The following WWOX variants were observed in gnomAD, a reference collection of about 807,000 sequenced individuals.
The protein encoded by WWOX is WW domain containing oxidoreductase.
Under a neutral mutation model 46.2 loss-of-function variants are expected in WWOX, and 69 were observed. The ratio of observed to expected loss-of-function variants is 1.49; its 90% confidence interval spans 1.23 to 1.82. The LOEUF (loss-of-function observed/expected upper bound fraction) is 1.82, where lower values mean the gene tolerates loss of function less well. Ranked by LOEUF, WWOX falls within the 40% of genes most tolerant of loss-of-function variation. The pLI, the probability that WWOX is intolerant of heterozygous loss-of-function variation, is 0.00. For synonymous variants in WWOX, 359 were observed against 202.6 expected (o/e 1.77, Z -6.56); for missense variants, 919 against 542.6 (o/e 1.69, Z -6.89).
chr16:78,276,419 T>C (rs2079579835), intron 5 of WWOX, among the ~76,000 whole-genome samples: 1 of 152,190 alleles, frequency 6.6e-6, no homozygotes, highest in African/African-American at 2.4e-5. Context: ...TACAATTTAA[T>C]CAGGCACTGT....
intron 8 of WWOX, among the ~76,000 whole-genome samples, chr16:78,854,296 T>C (rs1365420555): frequency 6.6e-6 from 1 of 152,206 alleles, no homozygotes; most frequent in Non-Finnish European, 1.5e-5. Flanking sequence ...GGTAACTTTA[T>C]TTATTATTTG....
chr16:78,453,810 T>C (rs1180302047), intron 8 of WWOX, among the ~76,000 whole-genome samples: 1 of 149,560 alleles, frequency 6.7e-6, no homozygotes, highest in African/African-American at 2.5e-5. Flanking sequence ...CTTCTTTTAT[T>C]GAAAGCCTTT....
At chr16:78,668,561 C>A (rs770090910) in intron 8 of WWOX, among the ~76,000 whole-genome samples, 1 of 152,044 alleles carries the variant, frequency 6.6e-6, no homozygotes, top group East Asian at 1.9e-4. Flanking sequence ...TGGCAAGGGG[C>A]GTGACAAAGT....
At chr16:78,562,223 T>TA (rs2044457003) in intron 8 of WWOX, among the ~76,000 whole-genome samples, 1 of 152,176 alleles carries the variant, frequency 6.6e-6, no homozygotes, top group Non-Finnish European at 1.5e-5. Flanking sequence ...GAGAAGGAAA[T>TA]AAGAGCCTCG....
intron 8 of WWOX, among the ~76,000 whole-genome samples, chr16:78,717,193 C>T (rs774734687): frequency 6.6e-5 from 10 of 152,036 alleles, no homozygotes; most frequent in Non-Finnish European, 1.3e-4. Flanking sequence ...CTAGACTATA[C>T]CAAGAGTAAG....
intron 8 of WWOX, among the ~76,000 whole-genome samples, chr16:78,859,017 A>ATAT (rs2052642422): frequency 2.4e-5 from 1 of 41,382 alleles, no homozygotes; most frequent in African/African-American, 1.2e-4. Flanking sequence ...AAAAAAAAAA[A>ATAT]AAAAAAAAAA....
intron 8 of WWOX, among the ~76,000 whole-genome samples, chr16:78,905,107 A>G (rs7200156): frequency 0.072 from 11,020 of 152,186 alleles, 1,366 homozygotes; most frequent in African/African-American, 0.25. Context: ...AACATATTGC[A>G]TAATGAGGCC....
Position 78,702,120 on chromosome 16 carries a change from A to ATATATATATATTTATT in WWOX, c.1056+269371_1056+269372insATATATATTTATTTAT, listed in dbSNP as rs1207718237. ...TAAAGTTATATATATATATATATAT[A>ATATATATATATTTATT]TATTTATTTATTTTCAAGACATGGT... On this transcript the variant is annotated intron_variant, in intron 8 of 8. Coordinates refer to ENST00000566780, the MANE Select transcript of WWOX (RefSeq NM_016373.4). Among the ~76,000 whole-genome samples, 31 of 130,036 alleles carry ATATATATATATTTATT rather than the reference A, an allele frequency of 2.4e-4. 1 individual carries two copies. The highest frequency in any genetic ancestry group is 1.0e-3 in the African/African-American group (31 of 30,226). 85.3% of individuals were successfully genotyped at this position (130,036 alleles called of 152,430 possible). A position where few individuals can be genotyped will look rare whatever the true frequency, so the allele number is the denominator to read the frequency against.
intron 5 of WWOX, among the ~76,000 whole-genome samples, chr16:78,205,112 G>C (rs968345981): frequency 3.9e-5 from 6 of 152,138 alleles, no homozygotes; most frequent in Non-Finnish European, 7.4e-5. Context: ...AGAGGAGTTG[G>C]ATATTAAAGA....
intron 8 of WWOX, among the ~76,000 whole-genome samples, chr16:78,596,699 G>T (rs2045499640): frequency 6.6e-6 from 1 of 152,170 alleles, no homozygotes; most frequent in African/African-American, 2.4e-5. Context: ...CAGTTGAGAG[G>T]TAAGCCGGGC....
intron 8 of WWOX, among the ~76,000 whole-genome samples, chr16:78,922,935 C>G (rs991767834): frequency 6.6e-6 from 1 of 150,884 alleles, no homozygotes; most frequent in African/African-American, 2.4e-5. Flanking sequence ...AATCTAACAT[C>G]TTTAGATAAA....
intron 5 of WWOX, among the ~76,000 whole-genome samples, chr16:78,221,944 G>A (rs1369595395): frequency 3.9e-5 from 6 of 152,008 alleles, no homozygotes; most frequent in Non-Finnish European, 8.8e-5. Context: ...TTTTCTTACT[G>A]CTGCCTCTGT....
At chr16:78,323,998 T>G (rs72792352) in intron 5 of WWOX, among the ~76,000 whole-genome samples, 9,285 of 152,196 alleles carry the variant, frequency 0.061, 421 homozygotes, top group Admixed American at 0.13. Flanking sequence ...CTCCTCCAAC[T>G]TCACTTTCCC....
chr16:78,524,474 G>A (rs1597210438), intron 8 of WWOX, among the ~76,000 whole-genome samples: 1 of 152,144 alleles, frequency 6.6e-6, no homozygotes, highest in African/African-American at 2.4e-5. Flanking sequence ...AAGCTGGAGT[G>A]CAGTGGCATG....
At chr16:78,569,048 G>C (rs1177877328) in intron 8 of WWOX, among the ~76,000 whole-genome samples, 1 of 152,180 alleles carries the variant, frequency 6.6e-6, no homozygotes, top group Non-Finnish European at 1.5e-5. Context: ...CTGGGTGTCA[G>C]CCTCTTGGGC....
chr16:79,152,356 G>A (rs1160894837), intron 8 of WWOX, among the ~76,000 whole-genome samples: 1 of 152,112 alleles, frequency 6.6e-6, no homozygotes, highest in African/African-American at 2.4e-5. Context: ...GAAGCCAAGG[G>A]GAAGACAGTT....
At chr16:78,138,282 TATTTCTCA>T (rs2033869601) in intron 4 of WWOX, among the ~76,000 whole-genome samples, 5 of 151,022 alleles carry the variant, frequency 3.3e-5, no homozygotes, top group African/African-American at 4.9e-5. Context: ...TAATTAAAAT[TATTTCTCA>T]GATTAAGAGC....
chr16:78,857,803 A>G (rs1597728967), intron 8 of WWOX, among the ~76,000 whole-genome samples: 2 of 152,080 alleles, frequency 1.3e-5, no homozygotes, highest in African/African-American at 2.4e-5. Flanking sequence ...TCTGCTGTTT[A>G]TAGGAGCATA....
chr16:78,850,251 C>T (rs902773363), intron 8 of WWOX, among the ~76,000 whole-genome samples: 2 of 152,110 alleles, frequency 1.3e-5, no homozygotes, highest in Non-Finnish European at 2.9e-5. Flanking sequence ...CTCCAGACAA[C>T]AGCCATGGTC....
Sources: gnomAD v4.1 joint callset for allele counts (sites outside exome capture counted in the v4.1 genomes callset) on GRCh38, gnomAD v4.1.1 for gene constraint, MANE v1.5 for transcripts, NCBI Gene and HGNC (gene_info 2026-07-23, HGNC 2026-07-21) for gene names.